Variants in USP10 observed in about 807,000 individuals in gnomAD.
USP10 encodes the protein ubiquitin carboxyl-terminal hydrolase 10.
USP10 carries 22 observed loss-of-function variants against 84.5 expected under a neutral mutation model. The ratio of observed to expected loss-of-function variants is 0.26; its 90% CI spans 0.19 to 0.37. The LOEUF is 0.37. USP10 is among the 10% of genes least tolerant of loss of function. The probability of loss-of-function intolerance (pLI) is 1.00; values close to 1 mark genes in which losing one functional copy is unlikely to be tolerated. For missense variants in USP10, 1,019 were observed against 998.9 expected (o/e 1.02, Z -0.27); for synonymous variants, 454 against 387.6 (o/e 1.17, Z -2.01).
At chr16:84,749,765 T>A (rs937739683) in intron 4 of USP10, among the ~76,000 whole-genome samples, 7 of 152,326 alleles carry the variant, frequency 4.6e-5, no homozygotes, top group African/African-American at 1.7e-4. Context: ...GAATCACGTA[T>A]AAGGGATTTT....
chr16:84,700,581 C>T (rs866594079), intron 1 of USP10, among the ~76,000 whole-genome samples: 1 of 152,158 alleles, frequency 6.6e-6, no homozygotes, highest in African/African-American at 2.4e-5. Context: ...CCCCTTTGCC[C>T]CAAGAGCTTC....
chr16:84,737,378 T>C (rs928217444), intron 2 of USP10, among the ~76,000 whole-genome samples: 1 of 152,252 alleles, frequency 6.6e-6, no homozygotes, highest in Non-Finnish European at 1.5e-5. Flanking sequence ...AATAGTTATA[T>C]AGTTAATGAG....
intron 3 of USP10, among the ~76,000 whole-genome samples, chr16:84,741,994 C>T (rs1223036936): frequency 6.6e-6 from 1 of 152,222 alleles, no homozygotes; most frequent in Non-Finnish European, 1.5e-5. Context: ...CTACCTCCAG[C>T]TGCAGCAAGC....
At chr16:84,746,678 AGTGAAT>A (rs1911263594) in intron 4 of USP10, among the ~76,000 whole-genome samples, 1 of 152,200 alleles carries the variant, frequency 6.6e-6, no homozygotes, top group Admixed American at 6.5e-5. Context: ...ATGAGTGCTG[AGTGAAT>A]GTGAAGGCCC....
chr16:84,770,751 G>A (rs1263689656), intron 11 of USP10, among the ~76,000 whole-genome samples: 13 of 142,568 alleles, frequency 9.1e-5, no homozygotes, highest in Non-Finnish European at 1.8e-4. Context: ...CGGCCTGGGC[G>A]ACAGAGCGAG....
chr16:84,748,580 A>AG (rs1363330121), intron 4 of USP10, among the ~76,000 whole-genome samples: 1 of 152,178 alleles, frequency 6.6e-6, no homozygotes, highest in African/African-American at 2.4e-5. Context: ...CTGAGATTAC[A>AG]GGCGTGAGCC....
At chr16:84,742,320 C>G (rs961011394) in intron 3 of USP10, among the ~76,000 whole-genome samples, 1 of 152,202 alleles carries the variant, frequency 6.6e-6, no homozygotes, top group African/African-American at 2.4e-5. Context: ...AAGTTGATCA[C>G]TGTTTCCTGC....
chr16:84,761,873 A>G (rs1209767987), intron 8 of USP10, among the ~76,000 whole-genome samples: 1 of 152,280 alleles, frequency 6.6e-6, no homozygotes, highest in Non-Finnish European at 1.5e-5. Flanking sequence ...CCTGCTATGA[A>G]AAGTCTTCAG....
chr16:84,757,610 ATTTG>A (rs1369863261), intron 4 of USP10, among the ~76,000 whole-genome samples: 2 of 151,988 alleles, frequency 1.3e-5, no homozygotes, highest in African/African-American at 4.8e-5. Context: ...CCTATATACA[ATTTG>A]TTTATTTATT....
rs111726185 is a variant in USP10 at position 84,730,873 on chromosome 16, C to G, written c.22-2562C>G. Among the ~76,000 whole-genome samples, 1,093 of 151,860 alleles carry G rather than the reference C, an allele frequency of 7.2e-3. 6 individuals carry two copies. The highest frequency in any genetic ancestry group is 0.025 in the African/African-American group (1,032 of 41,386). Reference sequence around the variant, plus strand: ...ATACCTGATAATCCTGCAGAACATTCTGATTTCTTATCCTTAGGTATCTTC... The same window carrying G: ...ATACCTGATAATCCTGCAGAACATTGTGATTTCTTATCCTTAGGTATCTTC... On this transcript the variant is annotated intron_variant, in intron 1 of 13. Coordinates refer to ENST00000219473, the MANE Select transcript of USP10 (RefSeq NM_005153.3).
intron 2 of USP10, among the ~76,000 whole-genome samples, chr16:84,734,358 C>G (rs1220073673): frequency 6.6e-6 from 1 of 152,176 alleles, no homozygotes; most frequent in Non-Finnish European, 1.5e-5. Context: ...TTTTAATTTA[C>G]ATCTCCCAGA....
intron 1 of USP10, among the ~76,000 whole-genome samples, chr16:84,719,018 C>T (rs1428010769): frequency 6.6e-6 from 1 of 152,018 alleles, no homozygotes; most frequent in African/African-American, 2.4e-5. Flanking sequence ...TCTCGAACTC[C>T]TGACCTCAAA....
intron 2 of USP10, among the ~76,000 whole-genome samples, chr16:84,739,447 A>C (rs1910361827): frequency 6.6e-6 from 1 of 151,630 alleles, no homozygotes; most frequent in South Asian, 2.1e-4. Context: ...GATTTTTTGT[A>C]TTTTTAGTAG....
chr16:84,753,780 G>T (rs1354586761), intron 4 of USP10, among the ~76,000 whole-genome samples: 2 of 152,372 alleles, frequency 1.3e-5, no homozygotes, highest in Admixed American at 6.5e-5. Context: ...TTAATCTCCA[G>T]ATGTTTAATT....
chr16:84,749,515 C>G (rs1335608841), intron 4 of USP10, among the ~76,000 whole-genome samples: 2 of 151,076 alleles, frequency 1.3e-5, no homozygotes, highest in Non-Finnish European at 2.9e-5. Context: ...GCTTGAGGCT[C>G]GATAACTTGA....
At position 84,700,107 on chromosome 16, in the gene USP10, C is replaced by A; in HGVS notation, c.17C>A (p.Pro6Gln). ...CGGGCAGCCATGGCCCTCCACAGCC[C>A]GCAGGTAGCCGCCGGTCTGCGCCTT... is the stretch of plus-strand genomic sequence containing the variant. MALHS[P>Q]QYIFGDFSPD... Residue 6 changes from proline (P) to glutamine (Q), a missense_variant, in exon 1 of 14, where the codon CCG becomes CAG. Around this residue, in one of 2 missense-constraint regions of USP10, gnomAD observed 787 missense variants for 708.8 expected, o/e 1.11. Transcript: ENST00000219473. 7.4e-7 allele frequency: 1 copy of A among 1,352,566 alleles called. No homozygotes were observed. The highest frequency in any genetic ancestry group is 1.4e-5 in the South Asian group (1 of 69,936). 83.8% of individuals were successfully genotyped at this position (1,352,566 alleles called of 1,614,324 possible).
At chr16:84,753,107 T>C (rs1255440615) in intron 4 of USP10, among the ~76,000 whole-genome samples, 4 of 152,074 alleles carry the variant, frequency 2.6e-5, no homozygotes, top group Admixed American at 2.0e-4. Flanking sequence ...GTTGGGACTA[T>C]AGGCAGGCAC....
intron 3 of USP10, among the ~76,000 whole-genome samples, chr16:84,742,102 C>T (rs1360442873): frequency 7.9e-5 from 12 of 152,200 alleles, no homozygotes; most frequent in South Asian, 2.1e-4. Context: ...TTTGTAGGTA[C>T]ATAATAGGTG....
chr16:84,752,051 C>T (rs553525486), intron 4 of USP10, among the ~76,000 whole-genome samples: 1 of 152,110 alleles, frequency 6.6e-6, no homozygotes, highest in Non-Finnish European at 1.5e-5. Flanking sequence ...GGCTATTAAG[C>T]AACTCCATTT....
Sources: allele counts gnomAD v4.1 joint callset (sites outside exome capture counted in the v4.1 genomes callset), GRCh38; gene constraint gnomAD v4.1.1; regional missense constraint gnomAD v4.1.1; transcripts MANE v1.5; gene names NCBI Gene and HGNC (gene_info 2026-07-23, HGNC 2026-07-21).